The following FGF14 variants were observed in gnomAD, a reference collection of about 807,000 sequenced individuals.
FGF14 encodes the protein fibroblast growth factor homologous factor 4.
FGF14 carries 5 observed loss-of-function variants against 25.5 expected under a neutral mutation model. The ratio of observed to expected loss-of-function variants is 0.20; its 90% CI spans 0.10 to 0.41. The LOEUF is 0.41. FGF14 is among the 10% of genes least tolerant of loss of function. The pLI is 1.00. For synonymous variants in FGF14, 138 were observed against 118.3 expected (o/e 1.17, Z -1.08); for missense variants, 222 against 320.1 (o/e 0.69, Z 2.34).
intron 1 of FGF14, among the ~76,000 whole-genome samples, chr13:102,345,948 G>A (rs1566951309): frequency 6.6e-6 from 1 of 152,058 alleles, no homozygotes; most frequent in Non-Finnish European, 1.5e-5. Context: ...ATATCCCTAG[G>A]ACAACAATGG....
intron 1 of FGF14, among the ~76,000 whole-genome samples, chr13:101,891,817 T>C (rs565476169): frequency 3.9e-5 from 6 of 152,158 alleles, no homozygotes; most frequent in Non-Finnish European, 8.8e-5. Flanking sequence ...ATCTAGGTTT[T>C]TGATCCAAGC....
intron 1 of FGF14, among the ~76,000 whole-genome samples, chr13:102,101,382 T>C (rs1323069231): frequency 6.6e-6 from 1 of 152,186 alleles, no homozygotes; most frequent in Non-Finnish European, 1.5e-5. Context: ...GAATATGATA[T>C]AGTAACCAGA....
intron 1 of FGF14, among the ~76,000 whole-genome samples, chr13:102,174,044 C>G (rs1173808784): frequency 2.0e-5 from 3 of 152,108 alleles, no homozygotes; most frequent in African/African-American, 7.2e-5. Flanking sequence ...CTAGGAAACT[C>G]TAAAGATTCC....
At chr13:101,872,622 G>A (rs1447734066) in intron 2 of FGF14, among the ~76,000 whole-genome samples, 2 of 152,030 alleles carry the variant, frequency 1.3e-5, no homozygotes, top group South Asian at 2.1e-4. Context: ...TAAAAATGAA[G>A]TTAATTAGTA....
intron 1 of FGF14, among the ~76,000 whole-genome samples, chr13:102,353,481 A>C (rs77365718): frequency 0.026 from 3,932 of 152,280 alleles, 179 homozygotes; most frequent in African/African-American, 0.091. Context: ...GAAAAGCTTT[A>C]CCACAATGTC....
intron 1 of FGF14, among the ~76,000 whole-genome samples, chr13:101,939,771 T>G (rs1450127338): frequency 1.3e-5 from 2 of 152,240 alleles, no homozygotes; most frequent in Non-Finnish European, 2.9e-5. Flanking sequence ...GGACATTCTT[T>G]GTATTTAATC....
At chr13:102,119,055 A>G (rs555853153) in intron 1 of FGF14, among the ~76,000 whole-genome samples, 130 of 152,310 alleles carry the variant, frequency 8.5e-4, no homozygotes, top group African/African-American at 2.9e-3. Flanking sequence ...TAGGATCTTT[A>G]TAACAGGGGG....
chr13:102,369,351 T>C (rs375167667), intron 1 of FGF14, among the ~76,000 whole-genome samples: 1 of 152,186 alleles, frequency 6.6e-6, no homozygotes, highest in African/African-American at 2.4e-5. Context: ...CCCAGATCCA[T>C]TCTGCTTTCC....
intron 1 of FGF14, among the ~76,000 whole-genome samples, chr13:102,136,943 G>A (rs979104366): frequency 1.3e-5 from 2 of 152,120 alleles, no homozygotes; most frequent in Admixed American, 1.3e-4. Context: ...GAGAAAACCT[G>A]GGACATTAGA....
chr13:102,124,267 C>T (rs184057147), intron 1 of FGF14, among the ~76,000 whole-genome samples: 6 of 152,030 alleles, frequency 3.9e-5, no homozygotes, highest in Admixed American at 1.3e-4. Context: ...GTGGACTGTG[C>T]GGTGTGGATC....
At chr13:102,320,746 T>C (rs2056213668) in intron 1 of FGF14, among the ~76,000 whole-genome samples, 1 of 152,166 alleles carries the variant, frequency 6.6e-6, no homozygotes, top group Admixed American at 6.5e-5. Flanking sequence ...ACATATTCCC[T>C]TGAATGGGGC....
chr13:102,216,767 C>T (rs2050391158), intron 1 of FGF14, among the ~76,000 whole-genome samples: 1 of 152,056 alleles, frequency 6.6e-6, no homozygotes, highest in Non-Finnish European at 1.5e-5. Flanking sequence ...CCTATCTAAC[C>T]ATAGCTTAGT....
intron 1 of FGF14, among the ~76,000 whole-genome samples, chr13:102,287,773 C>T (rs1033909046): frequency 2.0e-5 from 3 of 152,172 alleles, no homozygotes; most frequent in Non-Finnish European, 4.4e-5. Context: ...TACTTTATTA[C>T]AGACAACTTT....
At chr13:102,076,618 T>A (rs540410229) in intron 1 of FGF14, among the ~76,000 whole-genome samples, 1 of 152,108 alleles carries the variant, frequency 6.6e-6, no homozygotes, top group East Asian at 1.9e-4. Flanking sequence ...ATGAAAAAAA[T>A]TGAAGACACA....
At chr13:102,335,640 A>G (rs181699969) in intron 1 of FGF14, among the ~76,000 whole-genome samples, 7 of 152,304 alleles carry the variant, frequency 4.6e-5, no homozygotes, top group South Asian at 2.1e-4. Context: ...ACCAGATACA[A>G]TGCAAGGGAG....
intron 3 of FGF14, among the ~76,000 whole-genome samples, chr13:101,767,550 C>A (rs1278359708): frequency 6.6e-6 from 1 of 152,164 alleles, no homozygotes; most frequent in Non-Finnish European, 1.5e-5. Context: ...TTTACTGAAT[C>A]CCTTTTGTAA....
At chr13:101,922,554 T>C (rs918044574) in intron 1 of FGF14, among the ~76,000 whole-genome samples, 3 of 152,188 alleles carry the variant, frequency 2.0e-5, no homozygotes, top group African/African-American at 7.2e-5. Context: ...CAATATGCCC[T>C]TTTTCAAATT....
chr13:101,758,072 A>T (rs1251797835), intron 3 of FGF14, among the ~76,000 whole-genome samples: 1 of 152,242 alleles, frequency 6.6e-6, no homozygotes, highest in African/African-American at 2.4e-5. Context: ...TTGAAGTTAA[A>T]CAATTAGAAA....
rs139312184 is a variant in FGF14, at chr13:101,931,772, C to A, written c.209-56476G>T. 3.3e-5 allele frequency among the ~76,000 whole-genome samples: 5 copies of A among 152,312 alleles called. No individual in the cohort carries two copies. In the East Asian group the frequency reaches 9.7e-4, roughly 29 times the overall value. On this transcript the variant is annotated intron_variant, in intron 1 of 4. Coordinates refer to the FGF14 transcript ENST00000376131. ...AGAGAAAATGGAATAAGTACTTCAG[C>A]GGATCTGTACCTCGCAAAGCACCTG...
Sources: gnomAD v4.1 joint callset for allele counts (sites outside exome capture counted in the v4.1 genomes callset) on GRCh38, gnomAD v4.1.1 for gene constraint, MANE v1.5 for transcripts, NCBI Gene and HGNC (gene_info 2026-07-23, HGNC 2026-07-21) for gene names.